The following SYNDIG1L variants were observed in gnomAD, a reference collection of about 807,000 sequenced individuals.
The protein encoded by SYNDIG1L is synapse differentiation inducing 1 like.
SYNDIG1L carries 13 observed loss-of-function variants against 20.1 expected under a neutral mutation model. That is an observed-to-expected ratio of 0.65 (90% CI 0.42 to 1.03). The LOEUF is 1.03. SYNDIG1L is among the 50% of genes least tolerant of loss of function. The pLI is 0.00. For synonymous variants in SYNDIG1L, 128 were observed against 129.3 expected (o/e 0.99, Z 0.07); for missense variants, 294 against 305.1 (o/e 0.96, Z 0.27).
chr14:74,448,795 C>A, the SYNDIG1L span, among the ~76,000 whole-genome samples: 1 of 151,990 alleles, frequency 6.6e-6, no homozygotes, highest in Non-Finnish European at 1.5e-5. Context: ...CTAAATGATC[C>A]AGGAGTCAAA....
chr14:74,434,150 C>T, the SYNDIG1L span, among the ~76,000 whole-genome samples: 9 of 152,302 alleles, frequency 5.9e-5, no homozygotes, highest in South Asian at 1.9e-3. Context: ...ATGGAGGTAA[C>T]TTTGGTTCAT....
chr14:74,446,282 A>C, the SYNDIG1L span, among the ~76,000 whole-genome samples: 2 of 152,214 alleles, frequency 1.3e-5, no homozygotes, highest in African/African-American at 4.8e-5. Context: ...TAATGTTTGA[A>C]AGAGTTGAAA....
intron 1 of SYNDIG1L, among the ~76,000 whole-genome samples, chr14:74,417,165 G>C (rs2086183650): frequency 6.6e-6 from 1 of 152,236 alleles, no homozygotes; most frequent in Non-Finnish European, 1.5e-5. Context: ...CACAGCTAGA[G>C]AGTGGCAGAG....
chr14:74,458,439 A>C, the SYNDIG1L span, among the ~76,000 whole-genome samples: 1 of 144,454 alleles, frequency 6.9e-6, no homozygotes, highest in Admixed American at 7.1e-5. Flanking sequence ...CAACATGGTG[A>C]AGACCCTGTG....
At chr14:74,460,406 C>T in the SYNDIG1L span, among the ~76,000 whole-genome samples, 1 of 152,204 alleles carries the variant, frequency 6.6e-6, no homozygotes, top group Admixed American at 6.5e-5. Flanking sequence ...ACTGTAGGCC[C>T]CCATTCCACA....
At chr14:74,479,865 C>T in the SYNDIG1L span, 21 of 741,194 alleles carry the variant, frequency 2.8e-5, no homozygotes, top group African/African-American at 1.1e-4. Context: ...TCTGGGACCA[C>T]GGAACTGGGG....
Position 74,407,683 on chromosome 14 carries a change from G to A in SYNDIG1L, c.569C>T (p.Ala190Val). 6.2e-7 allele frequency: 1 copy of A among 1,607,294 alleles called. No individual in the cohort carries two copies. The highest frequency in any genetic ancestry group is 8.5e-7 in the Non-Finnish European group (1 of 1,176,526). ...CAGGCGGAAGTCCCCTTTGGAGATGGCCTTGCTGGTCTAGGGAGAGAGACA... is the reference window on the plus strand; with the variant it reads ...CAGGCGGAAGTCCCCTTTGGAGATGACCTTGCTGGTCTAGGGAGAGAGACA... ...AFYFSQGTSK[A>V]ISKGDFRLAS... The change falls in exon 4 of 4, where the codon GCC (alanine) becomes GTC (valine). Residue 190 changes from alanine (A) to valine (V), a missense_variant. Ala to Val is a moderately conservative substitution (Grantham distance 64, BLOSUM62 0). Transcript: ENST00000331628.
chr14:74,459,933 G>A, the SYNDIG1L span, among the ~76,000 whole-genome samples: 3 of 152,170 alleles, frequency 2.0e-5, no homozygotes, highest in Non-Finnish European at 4.4e-5. Context: ...TTCTGCCAGC[G>A]AGGCTTCTGC....
At chr14:74,458,639 A>AAAAAAAAAT in the SYNDIG1L span, among the ~76,000 whole-genome samples, 1 of 151,114 alleles carries the variant, frequency 6.6e-6, no homozygotes, top group African/African-American at 2.4e-5. Flanking sequence ...AAAAAAAAAA[A>AAAAAAAAAT]GTGCTGTGCA....
At chr14:74,460,039 TCCTC>T in the SYNDIG1L span, among the ~76,000 whole-genome samples, 10 of 151,616 alleles carry the variant, frequency 6.6e-5, no homozygotes, top group Non-Finnish European at 8.8e-5. Flanking sequence ...CCCCAGCTCT[TCCTC>T]CCTCTCATCT....
intron 1 of SYNDIG1L, among the ~76,000 whole-genome samples, chr14:74,410,967 TTGAGCACCTAC>T (rs943532550): frequency 7.2e-5 from 11 of 152,084 alleles, no homozygotes; most frequent in African/African-American, 2.7e-4. Context: ...TTCAGCTGCT[TTGAGCACCTAC>T]TGAGCACCTG....
the SYNDIG1L span, among the ~76,000 whole-genome samples, chr14:74,449,774 A>T: frequency 1.3e-5 from 2 of 152,126 alleles, no homozygotes; most frequent in East Asian, 1.9e-4. Context: ...AGCATTAAAC[A>T]CTTAGAAATG....
intron 1 of SYNDIG1L, among the ~76,000 whole-genome samples, chr14:74,416,120 G>A (rs1266370009): frequency 6.7e-6 from 1 of 150,258 alleles, no homozygotes; most frequent in Non-Finnish European, 1.5e-5. Flanking sequence ...TTTAAGGAAT[G>A]TCAGAATTGT....
the SYNDIG1L span, among the ~76,000 whole-genome samples, chr14:74,450,918 A>C: frequency 6.6e-6 from 1 of 152,166 alleles, no homozygotes; most frequent in East Asian, 1.9e-4. Flanking sequence ...AAAACTGTAA[A>C]ATGTTACTGA....
intron 1 of SYNDIG1L, among the ~76,000 whole-genome samples, chr14:74,422,477 C>G (rs1045033973): frequency 1.8e-4 from 27 of 151,718 alleles, no homozygotes; most frequent in Admixed American, 6.6e-4. Flanking sequence ...TCTGTCTGCC[C>G]AGTGTACTTT....
At chr14:74,468,593 T>A in the SYNDIG1L span, among the ~76,000 whole-genome samples, 1 of 152,124 alleles carries the variant, frequency 6.6e-6, no homozygotes, top group Non-Finnish European at 1.5e-5. Flanking sequence ...GGCCCAGCTC[T>A]TCCCCCACAC....
chr14:74,471,596 T>TCACA, the SYNDIG1L span, among the ~76,000 whole-genome samples: 1,723 of 149,796 alleles, frequency 0.012, 31 homozygotes, highest in African/African-American at 0.038. Context: ...AGACCCTATC[T>TCACA]CACACACACA....
the SYNDIG1L span, among the ~76,000 whole-genome samples, chr14:74,447,767 CAT>C: frequency 1.2e-3 from 180 of 152,112 alleles, no homozygotes; most frequent in Admixed American, 3.7e-3. Flanking sequence ...AAATATAGAA[CAT>C]TGCACCCCAA....
the SYNDIG1L span, among the ~76,000 whole-genome samples, chr14:74,464,708 A>C: frequency 6.6e-6 from 1 of 152,092 alleles, no homozygotes; most frequent in Admixed American, 6.6e-5. Flanking sequence ...GCACGTAACA[A>C]TCCCCTCCCT....
Sources: allele counts gnomAD v4.1 joint callset (sites outside exome capture counted in the v4.1 genomes callset), GRCh38; gene constraint gnomAD v4.1.1; transcripts MANE v1.5; gene names NCBI Gene and HGNC (gene_info 2026-07-23, HGNC 2026-07-21).